The following TENM3 variants were observed in gnomAD, a reference collection of about 807,000 sequenced individuals.
TENM3 encodes teneurin-3.
Under a neutral mutation model 255.1 loss-of-function variants are expected in TENM3, and 63 were observed. The ratio of observed to expected loss-of-function variants is 0.25; its 90% CI spans 0.20 to 0.30. The LOEUF (loss-of-function observed/expected upper bound fraction) is 0.30, where lower values mean the gene tolerates loss of function less well. Ranked by LOEUF, TENM3 falls within the 10% of genes least tolerant of loss-of-function variation. TENM3 has a pLI of 1.00. For synonymous variants in TENM3, 1,306 were observed against 1,322.3 expected (o/e 0.99, Z 0.27); for missense variants, 2,929 against 3,461.1 (o/e 0.85, Z 3.86).
At chr4:182,703,147 T>G (rs920048585) in intron 12 of TENM3, among the ~76,000 whole-genome samples, 3 of 152,218 alleles carry the variant, frequency 2.0e-5, no homozygotes, top group Admixed American at 6.5e-5. Flanking sequence ...TTTTATGTGT[T>G]GAAAATAAAT....
intron 19 of TENM3, among the ~76,000 whole-genome samples, chr4:182,751,582 G>A (rs540408329): frequency 5.9e-5 from 9 of 152,260 alleles, no homozygotes; most frequent in Admixed American, 2.0e-4. Context: ...AATCCTCAGC[G>A]TCAGGCAAGG....
Position 182,692,806 on chromosome 4 carries a change from C to T in TENM3, c.2221+4455C>T, listed in dbSNP as rs186824503. Among the ~76,000 whole-genome samples, 633 of 151,988 alleles carry T rather than the reference C, an allele frequency of 4.2e-3. 2 individuals are homozygous for T. The highest frequency in any genetic ancestry group is 7.2e-3 in the Non-Finnish European group (488 of 67,968). On this transcript the variant is annotated intron_variant, in intron 12 of 27. Coordinates refer to ENST00000511685, the MANE Select transcript of TENM3 (RefSeq NM_001080477.4). Reference sequence around the variant, plus strand: ...CTTAGGTGTGAAACACTGGAGGTTTCGTCAGTTCTTTTTGTTAGCTTAAGG... The same window carrying T: ...CTTAGGTGTGAAACACTGGAGGTTTTGTCAGTTCTTTTTGTTAGCTTAAGG...
At chr4:182,266,761 G>A (rs180834345) in intron 1 of TENM3, among the ~76,000 whole-genome samples, 16 of 152,152 alleles carry the variant, frequency 1.1e-4, no homozygotes, top group South Asian at 4.2e-4. Flanking sequence ...CATATGTTCC[G>A]AAGTTATGGG....
chr4:181,466,626 A>T, the TENM3 span, among the ~76,000 whole-genome samples: 2 of 152,172 alleles, frequency 1.3e-5, no homozygotes, highest in Non-Finnish European at 2.9e-5. Context: ...ACTATTTAAA[A>T]TCACTCATCG....
Position 182,731,070 on chromosome 4 carries a change from T to C in TENM3, c.2898T>C (p.Ile966=). The part of the protein sequence containing the change: ...LSGFVRPNPI[I]VSSPLSTFFR... ...GATTCGTGAGGCCAAATCCCATCAT[T>C]GTGTCATCACCTTTATCCACCTTTT... The change falls in exon 16 of 28, where the codon ATT becomes ATC. Residue 966 remains isoleucine, a synonymous_variant. Transcript: ENST00000511685. 6.2e-7 allele frequency: 1 copy of C among 1,613,936 alleles called. No homozygotes were observed. The highest frequency in any genetic ancestry group is 1.1e-5 in the South Asian group (1 of 91,082).
the TENM3 span, among the ~76,000 whole-genome samples, chr4:181,480,120 C>T: frequency 2.0e-5 from 3 of 151,954 alleles, no homozygotes; most frequent in South Asian, 2.1e-4. Context: ...TGTCTTACAC[C>T]GAAACCTAGA....
the TENM3 span, among the ~76,000 whole-genome samples, chr4:182,110,956 G>A: frequency 6.6e-6 from 1 of 152,126 alleles, no homozygotes; most frequent in Non-Finnish European, 1.5e-5. Context: ...ACAATTTCAG[G>A]ACAGTTTAAC....
chr4:182,687,610 T>C (rs1344750304), intron 11 of TENM3, among the ~76,000 whole-genome samples: 1 of 152,256 alleles, frequency 6.6e-6, no homozygotes, highest in Non-Finnish European at 1.5e-5. Flanking sequence ...TCTTTTTACA[T>C]GCATGTCTGT....
the TENM3 span, among the ~76,000 whole-genome samples, chr4:181,559,200 G>A: frequency 1.3e-5 from 2 of 152,030 alleles, no homozygotes; most frequent in Admixed American, 6.5e-5. Context: ...AAAAACATAA[G>A]GATTTAAAAT....
At chr4:182,037,067 A>T in the TENM3 span, among the ~76,000 whole-genome samples, 1 of 152,088 alleles carries the variant, frequency 6.6e-6, no homozygotes, top group Non-Finnish European at 1.5e-5. Flanking sequence ...AATAAAAATA[A>T]TGGAGTTCTA....
intron 3 of TENM3, among the ~76,000 whole-genome samples, chr4:182,357,859 T>G (rs1184015315): frequency 6.6e-6 from 1 of 151,990 alleles, no homozygotes; most frequent in Non-Finnish European, 1.5e-5. Flanking sequence ...AAGTCTAACA[T>G]TTAAGTCTTT....
At chr4:181,517,621 T>G in the TENM3 span, among the ~76,000 whole-genome samples, 1 of 152,204 alleles carries the variant, frequency 6.6e-6, no homozygotes, top group Non-Finnish European at 1.5e-5. Context: ...GTTTTACAAT[T>G]GGTTTGTTCA....
chr4:182,690,908 A>G (rs1008784339), intron 12 of TENM3, among the ~76,000 whole-genome samples: 14 of 152,212 alleles, frequency 9.2e-5, no homozygotes, highest in African/African-American at 3.4e-4. Flanking sequence ...TGTTGCTTTT[A>G]TACTCCATAT....
chr4:181,995,304 A>G, the TENM3 span, among the ~76,000 whole-genome samples: 9 of 151,974 alleles, frequency 5.9e-5, no homozygotes, highest in African/African-American at 2.2e-4. Context: ...AAAAAAAAAA[A>G]GAAAGAAAAA....
intron 3 of TENM3, among the ~76,000 whole-genome samples, chr4:182,420,371 T>C (rs1156568751): frequency 6.6e-6 from 1 of 152,162 alleles, no homozygotes; most frequent in East Asian, 1.9e-4. Flanking sequence ...ACTCCAGTCA[T>C]CCATAGACAA....
At chr4:181,791,618 T>C in the TENM3 span, among the ~76,000 whole-genome samples, 1 of 152,162 alleles carries the variant, frequency 6.6e-6, no homozygotes, top group Non-Finnish European at 1.5e-5. Flanking sequence ...CCAGCACATT[T>C]TAAGAAATGA....
the TENM3 span, among the ~76,000 whole-genome samples, chr4:181,634,880 A>G: frequency 1.3e-5 from 2 of 152,196 alleles, no homozygotes; most frequent in Non-Finnish European, 2.9e-5. Flanking sequence ...AATTACTTGT[A>G]TTATTTTGAA....
rs1007211708 is a variant in TENM3, at chr4:182,793,941, C to T, written c.7213+56C>T. 7.7e-6 allele frequency: 11 copies of T among 1,434,990 alleles called. No homozygotes were observed. The highest frequency in any genetic ancestry group is 5.7e-5 in the South Asian group (4 of 70,100). 88.9% of individuals were successfully genotyped at this position (1,434,990 alleles called of 1,614,324 possible). ...GAGGACTACCATCATTAGATTAATA[C>T]ACAAAATAACTGGAAATGCTTTTTT... On this transcript the variant is annotated intron_variant, in intron 26 of 27. Transcript: ENST00000511685. This position sits in a 1 kb window ranked among gnomAD's most constrained non-coding sequence, Gnocchi z 5.7.
the TENM3 span, among the ~76,000 whole-genome samples, chr4:181,749,835 G>A: frequency 9.9e-5 from 15 of 152,192 alleles, no homozygotes; most frequent in East Asian, 3.9e-4. Context: ...CTTAATGTGC[G>A]AATCAAATAG....
Sources: allele counts gnomAD v4.1 joint callset (sites outside exome capture counted in the v4.1 genomes callset), GRCh38; gene constraint gnomAD v4.1.1; non-coding constraint Gnocchi (gnomAD v3.1); transcripts MANE v1.5; gene names NCBI Gene and HGNC (gene_info 2026-07-23, HGNC 2026-07-21).